The following ACOXL variants were observed in gnomAD, a reference collection of about 807,000 sequenced individuals.
ACOXL encodes the protein acyl-coenzyme A oxidase-like protein.
A neutral mutation model predicts 71.9 loss-of-function variants in ACOXL; 70 were observed. That is an observed-to-expected ratio of 0.97 (90% CI 0.80 to 1.19). The LOEUF is 1.19. Among genes scored for constraint, ACOXL ranks in the 50% most tolerant of loss-of-function variants. ACOXL has a pLI of 0.00. For missense variants in ACOXL, 703 were observed against 736.3 expected (o/e 0.95, Z 0.52); for synonymous variants, 253 against 281.6 (o/e 0.90, Z 1.02).
intron 11 of ACOXL, among the ~76,000 whole-genome samples, chr2:110,933,039 T>TACCTATTTTATACCTA (rs1315618216): frequency 6.6e-6 from 1 of 152,230 alleles, no homozygotes; most frequent in African/African-American, 2.4e-5. Flanking sequence ...TTTTTTGTTA[T>TACCTATTTTATACCTA]TTTTCTTTTG....
intron 10 of ACOXL, among the ~76,000 whole-genome samples, chr2:110,861,098 C>T (rs1487466725): frequency 6.6e-6 from 1 of 152,166 alleles, no homozygotes; most frequent in Non-Finnish European, 1.5e-5. Context: ...CATGCCACTG[C>T]ACTCCTGCCT....
chr2:110,983,848 A>G (rs1252848401), intron 12 of ACOXL, among the ~76,000 whole-genome samples: 1 of 152,076 alleles, frequency 6.6e-6, no homozygotes, highest in Non-Finnish European at 1.5e-5. Context: ...GTAAGAGATC[A>G]CTTTTTTATT....
intron 11 of ACOXL, among the ~76,000 whole-genome samples, chr2:110,926,122 G>T (rs528515849): frequency 6.6e-6 from 1 of 152,128 alleles, no homozygotes; most frequent in East Asian, 1.9e-4. Context: ...GATTACAATA[G>T]TAACATCAAA....
intron 17 of ACOXL, among the ~76,000 whole-genome samples, chr2:111,096,139 T>C (rs967494568): frequency 2.0e-5 from 3 of 152,208 alleles, no homozygotes; most frequent in Non-Finnish European, 2.9e-5. Flanking sequence ...CCACATTTAC[T>C]GATTCTTTCT....
chr2:111,018,466 G>C (rs970600504), intron 14 of ACOXL, among the ~76,000 whole-genome samples: 1 of 152,196 alleles, frequency 6.6e-6, no homozygotes, highest in African/African-American at 2.4e-5. Context: ...TGGGTCACAG[G>C]CTAGAGAGGC....
At chr2:111,078,062 C>A (rs916039302) in intron 16 of ACOXL, among the ~76,000 whole-genome samples, 1 of 152,088 alleles carries the variant, frequency 6.6e-6, no homozygotes, top group African/African-American at 2.4e-5. Context: ...TGTTACAATC[C>A]CACAGGTCCC....
intron 1 of ACOXL, among the ~76,000 whole-genome samples, chr2:110,759,789 G>T (rs544118779): frequency 6.6e-6 from 1 of 152,094 alleles, no homozygotes; most frequent in Non-Finnish European, 1.5e-5. Flanking sequence ...AACATAAGGA[G>T]AATTGATTTC....
chr2:110,741,266 G>GT (rs1435342136), intron 1 of ACOXL, among the ~76,000 whole-genome samples: 1 of 152,188 alleles, frequency 6.6e-6, no homozygotes, highest in Non-Finnish European at 1.5e-5. Context: ...TTGTCTCAGA[G>GT]TTCCGGAGGC....
intron 15 of ACOXL, among the ~76,000 whole-genome samples, chr2:111,031,984 C>T (rs551063891): frequency 2.6e-5 from 4 of 152,322 alleles, no homozygotes; most frequent in African/African-American, 7.2e-5. Context: ...GACAATCACA[C>T]GAAGCACTTG....
intron 17 of ACOXL, among the ~76,000 whole-genome samples, chr2:111,108,840 T>C (rs529458692): frequency 1.6e-4 from 24 of 152,252 alleles, no homozygotes; most frequent in African/African-American, 2.4e-4. Context: ...TCTAACTTTA[T>C]TATAAGAGCT....
At chr2:111,040,273 C>CA (rs768229066) in intron 15 of ACOXL, among the ~76,000 whole-genome samples, 1 of 152,162 alleles carries the variant, frequency 6.6e-6, no homozygotes, top group Non-Finnish European at 1.5e-5. Flanking sequence ...TGCCTCAGAC[C>CA]ATAGGACCAA....
chr2:110,962,883 A>G (rs901824415), intron 12 of ACOXL, among the ~76,000 whole-genome samples: 1 of 152,176 alleles, frequency 6.6e-6, no homozygotes, highest in Non-Finnish European at 1.5e-5. Context: ...GCAATTCTGG[A>G]TATTTCATGG....
intron 15 of ACOXL, among the ~76,000 whole-genome samples, chr2:111,038,709 A>G (rs977980477): frequency 6.6e-6 from 1 of 152,228 alleles, no homozygotes; most frequent in Non-Finnish European, 1.5e-5. Context: ...TTTATCATAC[A>G]CACTCTAGAT....
chr2:111,033,360 T>C (rs190877825), intron 15 of ACOXL, among the ~76,000 whole-genome samples: 1 of 152,358 alleles, frequency 6.6e-6, no homozygotes, highest in Admixed American at 6.5e-5. Flanking sequence ...TATTTAAATC[T>C]AAATGCCAGT....
chr2:110,954,424 A>G (rs574441900), intron 12 of ACOXL, among the ~76,000 whole-genome samples: 2 of 152,034 alleles, frequency 1.3e-5, no homozygotes, highest in East Asian at 3.9e-4. Context: ...TGGACTTACA[A>G]CCTTCAGCTT....
rs147583394 is a variant in ACOXL at position 111,103,259 on chromosome 2, C to T, written c.1542+10293C>T. 8.5e-5 allele frequency among the ~76,000 whole-genome samples: 13 copies of T among 152,140 alleles called. No individual in the cohort carries two copies. In the East Asian group the frequency reaches 2.5e-3, roughly 29 times the overall value. ...GCAGTGAGCCAAGATTGTGCCACTG[C>T]ACTCCAGCCTGGGAGACAGAGCTAG... On this transcript the variant is annotated intron_variant, in intron 17 of 17. Transcript: ENST00000439055.
intron 3 of ACOXL, among the ~76,000 whole-genome samples, chr2:110,789,428 G>A (rs1231761715): frequency 6.6e-6 from 1 of 152,188 alleles, no homozygotes; most frequent in Non-Finnish European, 1.5e-5. Flanking sequence ...TGGGCTGGAT[G>A]AGTTAAACAG....
At chr2:111,039,785 G>A (rs960004454) in intron 15 of ACOXL, among the ~76,000 whole-genome samples, 1 of 152,180 alleles carries the variant, frequency 6.6e-6, no homozygotes, top group African/African-American at 2.4e-5. Flanking sequence ...CAGGAGTGCA[G>A]CAACAAAGGA....
At chr2:111,011,291 C>CA (rs1167705719) in intron 14 of ACOXL, among the ~76,000 whole-genome samples, 1 of 151,618 alleles carries the variant, frequency 6.6e-6, no homozygotes, top group Non-Finnish European at 1.5e-5. Context: ...TAGACTGAGA[C>CA]AAAAAGGAAA....
Sources: gnomAD v4.1 joint callset for allele counts (sites outside exome capture counted in the v4.1 genomes callset) on GRCh38, gnomAD v4.1.1 for gene constraint, MANE v1.5 for transcripts, NCBI Gene and HGNC (gene_info 2026-07-23, HGNC 2026-07-21) for gene names.